Variants in GRM1 observed in about 807,000 individuals in gnomAD.
The protein encoded by GRM1 is metabotropic glutamate receptor 1.
Under a neutral mutation model 90.9 loss-of-function variants are expected in GRM1, and 33 were observed. The observed-to-expected ratio is 0.36, with a 90% CI of 0.28 to 0.49. The LOEUF (loss-of-function observed/expected upper bound fraction) is 0.49. Among genes scored for constraint, GRM1 ranks in the 20% least tolerant of loss-of-function variants. GRM1 has a pLI of 0.99. For missense variants in GRM1, 1,190 were observed against 1,534.3 expected (o/e 0.78, Z 3.75); for synonymous variants, 700 against 613.2 (o/e 1.14, Z -2.09).
chr6:146,134,605 G>A (rs111308570), intron 1 of GRM1, among the ~76,000 whole-genome samples: 184 of 152,190 alleles, frequency 1.2e-3, no homozygotes, highest in Middle Eastern at 3.4e-3. Flanking sequence ...TTATAAAACC[G>A]TCAGATCTCT....
At chr6:146,194,276 T>C (rs376119788) in intron 2 of GRM1, among the ~76,000 whole-genome samples, 8 of 152,312 alleles carry the variant, frequency 5.3e-5, no homozygotes, top group South Asian at 2.1e-4. Flanking sequence ...TATCCACTAA[T>C]GACATCTTCT....
chr6:146,091,312 G>T (rs975564671), intron 1 of GRM1, among the ~76,000 whole-genome samples: 7 of 152,132 alleles, frequency 4.6e-5, no homozygotes, highest in African/African-American at 1.7e-4. Context: ...TCCACTATGG[G>T]AAAGTGAGGA....
intron 7 of GRM1, among the ~76,000 whole-genome samples, chr6:146,425,838 C>A (rs1384751293): frequency 6.6e-6 from 1 of 152,178 alleles, no homozygotes; most frequent in African/African-American, 2.4e-5. Flanking sequence ...CTTATTCCAA[C>A]AAATGATGGA....
chr6:146,417,133 T>C (rs1237391259), intron 7 of GRM1, among the ~76,000 whole-genome samples: 1 of 152,214 alleles, frequency 6.6e-6, no homozygotes, highest in East Asian at 1.9e-4. Context: ...CTTAGTCTGT[T>C]GTCCTGTATC....
chr6:146,250,105 T>G (rs1781218024), intron 2 of GRM1, among the ~76,000 whole-genome samples: 1 of 152,168 alleles, frequency 6.6e-6, no homozygotes, highest in Non-Finnish European at 1.5e-5. Flanking sequence ...CTAACTTGTT[T>G]TTGATTTTAT....
chr6:146,411,893 G>A (rs2041227499), intron 7 of GRM1, among the ~76,000 whole-genome samples: 1 of 152,152 alleles, frequency 6.6e-6, no homozygotes, highest in African/African-American at 2.4e-5. Flanking sequence ...ATCTGGAAAA[G>A]GAGGAGAGCA....
intron 2 of GRM1, among the ~76,000 whole-genome samples, chr6:146,165,504 A>G (rs1343951357): frequency 2.6e-5 from 4 of 152,152 alleles, no homozygotes; most frequent in African/African-American, 9.6e-5. Flanking sequence ...GACATCTCCA[A>G]AAATGGATTA....
intron 1 of GRM1, among the ~76,000 whole-genome samples, chr6:146,033,836 C>T (rs1790790908): frequency 6.6e-6 from 1 of 151,668 alleles, no homozygotes; most frequent in Non-Finnish European, 1.5e-5. Context: ...GAAAAAAGTC[C>T]TCCTAAGTCA....
At chr6:146,322,273 C>T (rs1784218481) in intron 3 of GRM1, among the ~76,000 whole-genome samples, 1 of 152,210 alleles carries the variant, frequency 6.6e-6, no homozygotes, top group Admixed American at 6.5e-5. Context: ...CCTCTGGAAG[C>T]TTCATCCCAG....
intron 1 of GRM1, among the ~76,000 whole-genome samples, chr6:146,142,599 T>C (rs1776923428): frequency 6.6e-6 from 1 of 152,008 alleles, no homozygotes. Context: ...GCGCTGGCAC[T>C]CAAGCCACAA....
At chr6:146,210,494 G>A (rs1300030578) in intron 2 of GRM1, among the ~76,000 whole-genome samples, 3 of 152,046 alleles carry the variant, frequency 2.0e-5, no homozygotes, top group Non-Finnish European at 2.9e-5. Flanking sequence ...AATTTAGTAC[G>A]GGGAACAGAG....
rs144940881 is a variant in GRM1 at position 146,365,911 on chromosome 6, G to A, written c.1602+8217G>A. 6.8e-3 allele frequency among the ~76,000 whole-genome samples: 1,034 copies of A among 152,256 alleles called. 10 individuals are homozygous for A. The highest frequency in any genetic ancestry group is 0.034 in the Middle Eastern group (10 of 294). ...CTGAAAGCTGGGTGAGGACTTGCAC[G>A]TCCCTGAGGGAGAAAGTCTCTTTAA... is the stretch of plus-strand genomic sequence containing the variant. On this transcript the variant is annotated intron_variant, in intron 5 of 7. Coordinates refer to ENST00000282753, the MANE Select transcript of GRM1 (RefSeq NM_001278064.2).
At chr6:146,422,823 T>C (rs919761876) in intron 7 of GRM1, among the ~76,000 whole-genome samples, 2 of 152,082 alleles carry the variant, frequency 1.3e-5, no homozygotes, top group Admixed American at 1.3e-4. Flanking sequence ...AGGAAGACTA[T>C]TTGGACAATG....
intron 3 of GRM1, among the ~76,000 whole-genome samples, chr6:146,342,694 C>T (rs1185420136): frequency 6.6e-6 from 1 of 152,192 alleles, no homozygotes; most frequent in African/African-American, 2.4e-5. Flanking sequence ...CCTAATGGAG[C>T]TCCTATCACA....
At chr6:146,239,834 G>T (rs1313178156) in intron 2 of GRM1, among the ~76,000 whole-genome samples, 3 of 151,880 alleles carry the variant, frequency 2.0e-5, no homozygotes, top group African/African-American at 7.3e-5. Flanking sequence ...TTTTTTTAAA[G>T]TTCCCCCCGG....
chr6:146,188,134 C>T (rs1583135824), intron 2 of GRM1, among the ~76,000 whole-genome samples: 1 of 152,114 alleles, frequency 6.6e-6, no homozygotes, highest in Non-Finnish European at 1.5e-5. Flanking sequence ...TAATGGGAAT[C>T]TCAAAAACCC....
At chr6:146,415,475 C>T (rs560066105) in intron 7 of GRM1, among the ~76,000 whole-genome samples, 17 of 152,280 alleles carry the variant, frequency 1.1e-4, no homozygotes, top group African/African-American at 4.1e-4. Context: ...ATTGCCTTCC[C>T]TCATTAAATG....
chr6:146,436,041 C>G lies in GRM1; in HGVS notation c.*1245C>G, dbSNP rs1367600755. ...TCCTGTGTCCTTGTATATGTGCGAT[C>G]GTAAAATTTGTGCAATGTAATGTCA... On this transcript the variant is annotated 3_prime_UTR_variant, in exon 8 of 8. Transcript: ENST00000282753. The G allele has an allele frequency of 1.3e-5, 2 of 152,630 alleles. No homozygotes were observed. Among genetic ancestry groups the G allele is most frequent in the African/African-American group, 2.4e-5 (1 of 41,528 alleles). The allele number at this position is 152,630 out of a possible 1,614,324, so 9.5% of individuals were successfully genotyped here.
In GRM1 at chr6:146,029,529, C is replaced by G; in HGVS notation, c.12C>G (p.Leu4=). The G allele has an allele frequency of 6.2e-7, 1 of 1,613,820 alleles. No homozygotes were observed. Among genetic ancestry groups the G allele is most frequent in the Non-Finnish European group, 8.5e-7 (1 of 1,179,776 alleles). Residue 4 remains leucine, a synonymous_variant, in exon 1 of 8, where the codon CTC becomes CTG. Coordinates refer to ENST00000282753, the MANE Select transcript of GRM1 (RefSeq NM_001278064.2). MVG[L]LLFFFPAIFL... ...TCGTCCTCACCACCATGGTCGGGCTCCTTTTGTTTTTTTTCCCAGCGATCT... is the reference window on the plus strand; with the variant it reads ...TCGTCCTCACCACCATGGTCGGGCTGCTTTTGTTTTTTTTCCCAGCGATCT...
Sources: gnomAD v4.1 joint callset for allele counts (sites outside exome capture counted in the v4.1 genomes callset) on GRCh38, gnomAD v4.1.1 for gene constraint, MANE v1.5 for transcripts, NCBI Gene and HGNC (gene_info 2026-07-23, HGNC 2026-07-21) for gene names.